Variants in VPS28 observed in about 807,000 individuals in gnomAD.
VPS28 encodes VPS28 subunit of ESCRT-I.
In VPS28, 29 loss-of-function variants were observed where a neutral mutation model predicts 33.7. That is an observed-to-expected ratio of 0.86 (90% CI 0.64 to 1.17). The LOEUF (loss-of-function observed/expected upper bound fraction) is 1.17. Among genes scored for constraint, VPS28 ranks in the 50% most tolerant of loss-of-function variants. The pLI is 0.00. For missense variants in VPS28, 247 were observed against 312.2 expected (o/e 0.79, Z 1.57); for synonymous variants, 164 against 116.7 (o/e 1.40, Z -2.61).
intron 1 of VPS28, among the ~76,000 whole-genome samples, chr8:144,427,619 T>C (rs1822868615): frequency 6.6e-6 from 1 of 152,086 alleles, no homozygotes; most frequent in South Asian, 2.1e-4. Context: ...GGCATGAACT[T>C]GGAGGAACCA....
At chr8:144,425,940 TCA>T in intron 4 of VPS28, 84 bp downstream of exon 4, 1 of 1,472,346 alleles carries the variant, frequency 6.8e-7, no homozygotes, top group Admixed American at 2.4e-5. Context: ...CTCCCACCCC[TCA>T]GTTTGGGGTG....
chr8:144,425,862 G>A (rs1822695976), intron 4 of VPS28, 90 bp from the exon 5 acceptor site: 1 of 1,585,158 alleles, frequency 6.3e-7, no homozygotes, highest in South Asian at 1.1e-5. Flanking sequence ...GCCACTGCGG[G>A]CGCTCTGCCC....
At chr8:144,426,598 A>C (rs901352184) in intron 2 of VPS28, 6 of 457,846 alleles carry the variant, frequency 1.3e-5, no homozygotes, top group African/African-American at 1.2e-4. Flanking sequence ...CTCGTGGCTC[A>C]TGATGCAGTG....
rs541764400 is a variant in VPS28 at position 144,426,314 on chromosome 8, G to C, written c.38-106C>G. ...TTCCTCCCTGAGGCCTCCCAGGCTG[G>C]GTCCCAAAGAGCCCAGAGGGAGCTG... On this transcript the variant is annotated intron_variant, in intron 2 of 9. Transcript: ENST00000292510. 8.7e-5 allele frequency: 123 copies of C among 1,408,822 alleles called. 1 individual carries two copies. In the African/African-American group the frequency reaches 1.7e-3, roughly 20 times the overall value. 87.3% of individuals were successfully genotyped at this position (1,408,822 alleles called of 1,614,324 possible). A position where few individuals can be genotyped will look rare whatever the true frequency, so the allele number is the denominator to read the frequency against.
Position 144,423,812 on chromosome 8 carries a change from T to C in VPS28, c.659A>G (p.His220Arg), listed in dbSNP as rs781860283. The C allele has an allele frequency of 2.0e-5, 32 of 1,613,028 alleles. No individual in the cohort carries two copies. The highest frequency in any genetic ancestry group is 2.5e-5 in the Non-Finnish European group (29 of 1,180,048). Residue 220 changes from histidine (H) to arginine (R), a missense_variant, in exon 10 of 10, where the codon CAT (histidine) becomes CGT (arginine). Physicochemically the swap from His to Arg is conservative, Grantham distance 29. Around this residue, in one of 3 missense-constraint regions of VPS28, gnomAD observed 95 missense variants for 118.3 expected, o/e 0.80. Transcript: ENST00000292510. ...SAYNAFNRFLHA is the reference protein window; with the variant it reads ...SAYNAFNRFLRA ...AGGGCTAGTGCCCCGGGCTCAGGCATGCAGGAAGCGGTTGAAGGCGTTGTA... is the reference window on the plus strand; with the variant it reads ...AGGGCTAGTGCCCCGGGCTCAGGCACGCAGGAAGCGGTTGAAGGCGTTGTA...
intron 6 of VPS28, 44 bp downstream of exon 6, chr8:144,424,902 C>T (rs782706925): frequency 6.2e-7 from 1 of 1,609,364 alleles, no homozygotes; most frequent in South Asian, 1.1e-5. Context: ...CATACCCATG[C>T]CCGACAGTCT....
At chr8:144,424,001 G>T (rs551605133) in intron 9 of VPS28, 40 bp downstream of exon 9, 1 of 1,602,432 alleles carries the variant, frequency 6.2e-7, no homozygotes, top group Non-Finnish European at 8.5e-7. Flanking sequence ...GGAGGGTCTC[G>T]GGCACTGCGG....
rs782430732 is a variant in VPS28 at position 144,423,914 on chromosome 8, G to T, written c.557C>A (p.Thr186Asn). ...ATCTGACGCCGACATGCCGCTCAGG[G>T]TCTGCAGCCTGGGAGTGCAGCACAG... ...GRQTVSQWLQ[T>N]LSGMSASDEL... is the part of the protein sequence containing the mutation. The change falls in exon 10 of 10, where the codon ACC (threonine) becomes AAC (asparagine). Residue 186 changes from threonine to asparagine, a missense_variant. By Grantham distance (65) the Thr-to-Asn change is moderately conservative (BLOSUM62 0). This residue lies in a region of VPS28 where 95 missense variants were observed against 118.3 expected (regional missense o/e 0.80). Transcript: ENST00000292510. 6.2e-7 allele frequency: 1 copy of T among 1,613,148 alleles called. No individual in the cohort carries two copies. The highest frequency in any genetic ancestry group is 1.7e-5 in the Admixed American group (1 of 60,022).
rs375548516 is a variant in VPS28, at chr8:144,423,904, G to A, written c.567C>T (p.Gly189=). The A allele has an allele frequency of 5.6e-6, 9 of 1,613,032 alleles. No individual in the cohort carries two copies. The highest frequency in any genetic ancestry group is 7.6e-6 in the Non-Finnish European group (9 of 1,180,042). Reference sequence around the variant, plus strand: ...CGTCCAGCTCATCTGACGCCGACATGCCGCTCAGGGTCTGCAGCCTGGGAG... The same window carrying A: ...CGTCCAGCTCATCTGACGCCGACATACCGCTCAGGGTCTGCAGCCTGGGAG... ...TVSQWLQTLS[G]MSASDELDDS... Residue 189 remains glycine, a synonymous_variant, in exon 10 of 10, where the codon GGC becomes GGT. Coordinates refer to ENST00000292510, the MANE Select transcript of VPS28 (RefSeq NM_016208.4).
In VPS28 at chr8:144,426,938, T is replaced by C; in HGVS notation, c.8A>G (p.His3Arg). The stretch of plus-strand genomic sequence containing the variant: ...TATGCCCGGCGTGGCTGGGATCCCA[T>C]GAAACATCCTCTAGGCTCTGGGGGG... The part of the protein sequence containing the change: MF[H>R]GIPATPGIGA... Residue 3 changes from histidine to arginine, a missense_variant, in exon 2 of 10, where the codon CAT becomes CGT. Transcript: ENST00000292510. 4 of 1,612,406 alleles carry C rather than the reference T, an allele frequency of 2.5e-6. No homozygotes were observed. Among genetic ancestry groups the C allele is most frequent in the African/African-American group, 1.3e-5 (1 of 74,958 alleles).
At chr8:144,426,236 G>A (rs1554876761) in intron 2 of VPS28, 28 bp from the exon 3 acceptor site, 1 of 1,583,326 alleles carries the variant, frequency 6.3e-7, no homozygotes, top group East Asian at 2.3e-5. Context: ...GAGCTGGCAG[G>A]CTGGCCCCAA....
chr8:144,423,906 C>A lies in VPS28; in HGVS notation c.565G>T (p.Gly189Cys), dbSNP rs782785234. ...TVSQWLQTLSGMSASDELDDS... is the reference protein window; with the variant it reads ...TVSQWLQTLSCMSASDELDDS... ...TCCAGCTCATCTGACGCCGACATGC[C>A]GCTCAGGGTCTGCAGCCTGGGAGTG... Residue 189 changes from glycine to cysteine, a missense_variant, in exon 10 of 10, where the codon GGC (glycine) becomes TGC (cysteine). Gly to Cys is a radical substitution (Grantham distance 159). Around this residue, in one of 3 missense-constraint regions of VPS28, gnomAD observed 95 missense variants for 118.3 expected, o/e 0.80. Coordinates refer to ENST00000292510, the MANE Select transcript of VPS28 (RefSeq NM_016208.4). 4 of 1,613,126 alleles carry A rather than the reference C, an allele frequency of 2.5e-6. No homozygotes were observed. Among genetic ancestry groups the A allele is most frequent in the Admixed American group, 1.7e-5 (1 of 60,016 alleles).
chr8:144,425,227 T>C (rs948339869), intron 5 of VPS28, 176 bp from the exon 6 acceptor site: 2 of 619,944 alleles, frequency 3.2e-6, no homozygotes, highest in African/African-American at 3.7e-5. Flanking sequence ...CCTGAGCACG[T>C]AGTGGGGCTT....
At chr8:144,425,344 G>C (rs1822659414) in intron 5 of VPS28, 1 of 570,476 alleles carries the variant, frequency 1.8e-6, no homozygotes, top group Non-Finnish European at 3.1e-6. Flanking sequence ...TCATGGTCCT[G>C]TGCGGTGGCC....
At chr8:144,424,484 G>A (rs529912270) in intron 7 of VPS28, 497 of 808,820 alleles carry the variant, frequency 6.1e-4, no homozygotes, top group Non-Finnish European at 8.4e-4. Flanking sequence ...ACTCTCTCCC[G>A]AGGCCAGGAC....
At chr8:144,425,393 A>G (rs2130818029) in intron 5 of VPS28, 1 of 551,454 alleles carries the variant, frequency 1.8e-6, no homozygotes, top group East Asian at 3.1e-5. Flanking sequence ...AAGCCCCCCC[A>G]AAAGATCCTG....
At chr8:144,426,404 G>A (rs1228313314) in intron 2 of VPS28, 196 bp from the exon 3 acceptor site, 1 of 686,050 alleles carries the variant, frequency 1.5e-6, no homozygotes, top group Non-Finnish European at 2.3e-6. Flanking sequence ...ACACCTCTGA[G>A]AAGCCGGGGG....
chr8:144,426,873 G>A (rs368956533), intron 2 of VPS28, 36 bp downstream of exon 2: 20 of 1,611,180 alleles, frequency 1.2e-5, no homozygotes, highest in Non-Finnish European at 1.7e-5. Flanking sequence ...CCCTGCAGAA[G>A]CGGCTGAAAG....
chr8:144,426,998 G>A lies in VPS28; in HGVS notation c.-34-19C>T. The A allele has an allele frequency of 9.4e-6, 15 of 1,598,482 alleles. No homozygotes were observed. Among genetic ancestry groups the A allele is most frequent in the Non-Finnish European group, 1.3e-5 (15 of 1,172,322 alleles). The stretch of plus-strand genomic sequence containing the variant: ...CTGAGACCTGGGGAGCAGAGCCAGG[G>A]CCGACTCAAAGATGGCCCCTAAGCC... On this transcript the variant is annotated intron_variant, in intron 1 of 9. Coordinates refer to ENST00000292510, the MANE Select transcript of VPS28 (RefSeq NM_016208.4).
Sources: gnomAD v4.1 joint callset for allele counts (sites outside exome capture counted in the v4.1 genomes callset) on GRCh38, gnomAD v4.1.1 for gene constraint, gnomAD v4.1.1 regional missense constraint, MANE v1.5 for transcripts, NCBI Gene and HGNC (gene_info 2026-07-23, HGNC 2026-07-21) for gene names.